Variants in PRKDC observed in about 807,000 individuals in gnomAD.
The protein encoded by PRKDC is DNA-dependent protein kinase catalytic subunit.
PRKDC carries 82 observed loss-of-function variants against 486.9 expected under a neutral mutation model. That is an observed-to-expected ratio of 0.17 (90% CI 0.14 to 0.20). The LOEUF (loss-of-function observed/expected upper bound fraction) is 0.20. Among genes scored for constraint, PRKDC ranks in the 10% least tolerant of loss-of-function variants. The pLI, the probability that PRKDC is intolerant of heterozygous loss-of-function variation, is 1.00. For synonymous variants in PRKDC, 1,895 were observed against 1,837.0 expected (o/e 1.03, Z -0.81); for missense variants, 4,504 against 5,038.2 (o/e 0.89, Z 3.21).
intron 21 of PRKDC, among the ~76,000 whole-genome samples, chr8:47,921,363 G>A (rs1012573295): frequency 8.5e-5 from 13 of 152,190 alleles, no homozygotes; most frequent in African/African-American, 3.1e-4. Flanking sequence ...TGTGCAGCAT[G>A]CCAACTGGAA....
Position 47,942,254 on chromosome 8 carries a change from G to GT in PRKDC, c.966+954dup, listed in dbSNP as rs541597658. On this transcript the variant is annotated intron_variant, in intron 10 of 85. Transcript: ENST00000314191. The stretch of plus-strand genomic sequence containing the variant: ...GCAAGTAAGGCCAGCCAAGTTCAGC[G>GT]TAACAGGAGTTTTATGAGAAGGACC... 3.3e-4 allele frequency among the ~76,000 whole-genome samples: 50 copies of GT among 152,306 alleles called. 3 individuals carry two copies. The South Asian group carries it at 9.9e-3, about 30-fold the overall frequency.
intron 54 of PRKDC, among the ~76,000 whole-genome samples, chr8:47,840,857 T>C (rs1255930996): frequency 1.3e-5 from 2 of 152,152 alleles, no homozygotes; most frequent in East Asian, 1.9e-4. Context: ...TGTAAAAATA[T>C]TTACATAGGA....
intron 49 of PRKDC, 111 bp from the exon 50 acceptor site, chr8:47,855,484 C>A: frequency 8.7e-7 from 1 of 1,144,888 alleles, no homozygotes; most frequent in South Asian, 1.7e-5. Context: ...GAGTCCGGCT[C>A]CTGTTGAAAG....
chr8:47,940,621 AAAC>A (rs1485971119), intron 10 of PRKDC, among the ~76,000 whole-genome samples: 2 of 152,266 alleles, frequency 1.3e-5, no homozygotes, highest in Non-Finnish European at 2.9e-5. Context: ...CTCAAGAAGT[AAAC>A]AACAGCATTT....
At chr8:47,935,471 G>T (rs1279291706) in intron 13 of PRKDC, among the ~76,000 whole-genome samples, 1 of 151,902 alleles carries the variant, frequency 6.6e-6, no homozygotes, top group Non-Finnish European at 1.5e-5. Flanking sequence ...CTGCACTCCA[G>T]CCTGGGGGAC....
chr8:47,931,034 T>C (rs759328390), intron 16 of PRKDC, among the ~76,000 whole-genome samples: 15 of 152,082 alleles, frequency 9.9e-5, no homozygotes, highest in Non-Finnish European at 4.4e-5. Flanking sequence ...ATGCCAGAGG[T>C]GGGCAGCACT....
rs188868191 is a variant in PRKDC, at chr8:47,881,641, A to G, written c.4963-121T>C. 65 of 647,632 alleles carry G rather than the reference A, an allele frequency of 1.0e-4. No homozygotes were observed. The African/African-American group carries it at 1.1e-3, about 11-fold the overall frequency. 40.1% of individuals were successfully genotyped at this position (647,632 alleles called of 1,614,324 possible). On this transcript the variant is annotated intron_variant, in intron 37 of 85. Transcript: ENST00000314191. ...GTTAATTTAATTTTGGGCTTCAATA[A>G]TATTTTCACAATCTTATTGTAAAAC...
rs775561710 is a variant in PRKDC at position 47,830,691 on chromosome 8, G to T, written c.8311C>A (p.Leu2771Met). Reference protein sequence around the residue: ...LKMKQDAQVVLYRSYRHGDLP... With the variant: ...LKMKQDAQVVMYRSYRHGDLP... ...TCTCCGTGCCGGTAGCTTCTGTACA[G>T]AACGACCTGGGCATCCTGCTTCATT... is the stretch of plus-strand genomic sequence containing the variant. The change falls in exon 61 of 86, where the codon CTG becomes ATG. Residue 2771 changes from leucine to methionine, a missense_variant. Transcript: ENST00000314191. The T allele has an allele frequency of 8.7e-6, 14 of 1,613,840 alleles. No homozygotes were observed. The highest frequency in any genetic ancestry group is 1.1e-5 in the Non-Finnish European group (13 of 1,179,892).
At chr8:47,933,462 T>A (rs1425655980) in intron 15 of PRKDC, among the ~76,000 whole-genome samples, 1 of 152,230 alleles carries the variant, frequency 6.6e-6, no homozygotes, top group Non-Finnish European at 1.5e-5. Context: ...TCAAAGCATT[T>A]ACCCCAATTA....
chr8:47,927,301 T>C lies in PRKDC; in HGVS notation c.2312A>G (p.Asn771Ser), dbSNP rs1360953433. 1.2e-6 allele frequency: 2 copies of C among 1,613,720 alleles called. No individual in the cohort carries two copies. Among genetic ancestry groups the C allele is most frequent in the African/African-American group, 2.7e-5 (2 of 74,922 alleles). The change falls in exon 21 of 86, where the codon AAT becomes AGT. Residue 771 changes from asparagine (N) to serine (S), a missense_variant. Physicochemically the swap from Asn to Ser is conservative, Grantham distance 46. This residue lies in a region of PRKDC where 1,969 missense variants were observed against 2,068.9 expected (regional missense o/e 0.95). Transcript: ENST00000314191. ...ATAAATTGACCATTCTTCTAGAGCATTCAGGCCTACTTCTGCCAAGGGGGT... is the reference window on the plus strand; with the variant it reads ...ATAAATTGACCATTCTTCTAGAGCACTCAGGCCTACTTCTGCCAAGGGGGT... ...SYTPLAEVGL[N>S]ALEEWSIYID...
chr8:47,820,756 T>C lies in PRKDC; in HGVS notation c.9299A>G (p.Lys3100Arg), dbSNP rs1015495473. The change falls in exon 66 of 86, where the codon AAA becomes AGA. Residue 3100 changes from lysine to arginine, a missense_variant. Physicochemically the swap from Lys to Arg is conservative, Grantham distance 26 (BLOSUM62 2). Around this residue, in one of 6 missense-constraint regions of PRKDC, gnomAD observed 1,592 missense variants for 1,724.6 expected, o/e 0.92. Transcript: ENST00000314191. ...YLLQDDVDRA[K>R]YYIQNGIQSF... ...CTGAATGCCATTTTGAATGTAATAT[T>C]TGGCTCTGTCAACATCATCTTGCAG... 6.3e-7 allele frequency: 1 copy of C among 1,592,862 alleles called. No individual in the cohort carries two copies.
chr8:47,892,505 A>AT (rs2089482952), intron 31 of PRKDC, among the ~76,000 whole-genome samples: 1 of 152,076 alleles, frequency 6.6e-6, no homozygotes, highest in African/African-American at 2.4e-5. Context: ...TAACTTTAGT[A>AT]TTTTTTGTAC....
At chr8:47,830,448 T>C (rs941827942) in intron 61 of PRKDC, among the ~76,000 whole-genome samples, 157 bp downstream of exon 61, 2 of 152,224 alleles carry the variant, frequency 1.3e-5, no homozygotes, top group Non-Finnish European at 2.9e-5. Flanking sequence ...AGCCAGGACT[T>C]GGAGCAAGGT....
Position 47,823,966 on chromosome 8 carries a change from G to A in PRKDC, c.8814C>T (p.Val2938=), listed in dbSNP as rs1440095808. The A allele has an allele frequency of 6.2e-7, 1 of 1,613,148 alleles. No homozygotes were observed. Among genetic ancestry groups the A allele is most frequent in the African/African-American group, 1.3e-5 (1 of 74,896 alleles). ...TCTCACTGGTAAAAATCCCACGGAGGACGTCGTATTCTCCAATTGATCTAT... is the reference window on the plus strand; with the variant it reads ...TCTCACTGGTAAAAATCCCACGGAGAACGTCGTATTCTCCAATTGATCTAT... ...KLYRSIGEYD[V]LRGIFTSEIG... is the part of the protein sequence containing the mutation. Residue 2938 remains valine, a synonymous_variant, in exon 64 of 86, where the codon GTC becomes GTT. Coordinates refer to ENST00000314191, the MANE Select transcript of PRKDC (RefSeq NM_006904.7).
rs373662198 is a variant in PRKDC at position 47,890,240 on chromosome 8, T to G, written c.4071+17A>C. On this transcript the variant is annotated intron_variant, in intron 32 of 85. Coordinates refer to ENST00000314191, the MANE Select transcript of PRKDC (RefSeq NM_006904.7). ...TCCAGTACCAAAAACTGACCTCAAA[T>G]TAACAGAGCAGCCTACCTTCCATCC... 6.3e-6 allele frequency: 10 copies of G among 1,579,502 alleles called. No homozygotes were observed. The highest frequency in any genetic ancestry group is 2.7e-5 in the African/African-American group (2 of 74,510).
chr8:47,948,065 AAAGT>A (rs1401241439), intron 7 of PRKDC, among the ~76,000 whole-genome samples: 1 of 151,770 alleles, frequency 6.6e-6, no homozygotes, highest in Non-Finnish European at 1.5e-5. Flanking sequence ...CCTGGATAAC[AAAGT>A]GAGACCCTGT....
intron 7 of PRKDC, among the ~76,000 whole-genome samples, chr8:47,951,260 G>C (rs573328188): frequency 4.0e-5 from 6 of 151,830 alleles, no homozygotes; most frequent in Admixed American, 3.9e-4. Flanking sequence ...CTTGGGAGGC[G>C]GAGGTAGGAG....
In PRKDC at chr8:47,933,158, T is replaced by A; in HGVS notation, c.1638A>T (p.Ala546=). 1 of 1,527,546 alleles carries A rather than the reference T, an allele frequency of 6.5e-7. No homozygotes were observed. Among genetic ancestry groups the A allele is most frequent in the South Asian group, 1.3e-5 (1 of 77,544 alleles). 94.6% of individuals were successfully genotyped at this position (1,527,546 alleles called of 1,614,324 possible). A position where few individuals can be genotyped will look rare whatever the true frequency, so the allele number is the denominator to read the frequency against. ...SSDQMMDSIL[A]DEAFFSVNSS... ...AATTCACAGAGAAAAATGCTTCATC[T>A]GCTAAAATAGAATCCTTTAAATAAA... is the stretch of plus-strand genomic sequence containing the variant. Residue 546 remains alanine, a synonymous_variant, in exon 16 of 86, where the codon GCA becomes GCT. Coordinates refer to ENST00000314191, the MANE Select transcript of PRKDC (RefSeq NM_006904.7).
At position 47,959,987 on chromosome 8, in the gene PRKDC, C is replaced by A. The variant is rs1328149805; in HGVS notation, c.140G>T (p.Ser47Ile). ...GLGQECVLSS[S>I]PAVLALQTSL... ...CCGGTACCCACCCAGCACCGCGGGG[C>A]TGCTGCTCAGGACGCATTCCTGCCC... The change falls in exon 1 of 86, where the codon AGC becomes ATC. Residue 47 changes from serine (S) to isoleucine (I), a missense_variant. Coordinates refer to ENST00000314191, the MANE Select transcript of PRKDC (RefSeq NM_006904.7). The A allele has an allele frequency of 5.2e-6, 8 of 1,535,084 alleles. No homozygotes were observed. The highest frequency in any genetic ancestry group is 5.2e-6 in the Non-Finnish European group (6 of 1,146,752).
Sources: gnomAD v4.1 joint callset for allele counts (sites outside exome capture counted in the v4.1 genomes callset) on GRCh38, gnomAD v4.1.1 for gene constraint, gnomAD v4.1.1 regional missense constraint, MANE v1.5 for transcripts, NCBI Gene and HGNC (gene_info 2026-07-23, HGNC 2026-07-21) for gene names.